The following PTPRD variants were observed in gnomAD, a reference collection of about 807,000 sequenced individuals.
PTPRD encodes the protein receptor-type tyrosine-protein phosphatase delta.
In PTPRD, 34 loss-of-function variants were observed where a neutral mutation model predicts 214.5. The observed-to-expected ratio is 0.16, with a 90% CI of 0.12 to 0.21. The LOEUF is 0.21. PTPRD is among the 10% of genes least tolerant of loss of function. PTPRD has a pLI of 1.00. For synonymous variants in PTPRD, 1,128 were observed against 845.7 expected (o/e 1.33, Z -5.79); for missense variants, 2,545 against 2,398.7 (o/e 1.06, Z -1.27).
At chr9:10,239,289 G>T (rs894930633) in intron 3 of PTPRD, among the ~76,000 whole-genome samples, 2 of 151,814 alleles carry the variant, frequency 1.3e-5, no homozygotes, top group African/African-American at 4.8e-5. Flanking sequence ...TGACTAAAAT[G>T]GTATAATAAA....
chr9:10,547,553 C>A (rs2060424644), intron 2 of PTPRD, among the ~76,000 whole-genome samples: 3 of 152,008 alleles, frequency 2.0e-5, no homozygotes, highest in Non-Finnish European at 4.4e-5. Context: ...TTCCCTGACA[C>A]CTACCTTACA....
At chr9:9,880,982 A>G (rs921820148) in intron 5 of PTPRD, among the ~76,000 whole-genome samples, 3 of 152,170 alleles carry the variant, frequency 2.0e-5, no homozygotes, top group African/African-American at 7.2e-5. Context: ...GTGTAGTCAA[A>G]AAGTATTTTG....
intron 44 of PTPRD, among the ~76,000 whole-genome samples, chr9:8,328,299 A>C (rs533496504): frequency 6.6e-6 from 1 of 152,220 alleles, no homozygotes; most frequent in South Asian, 2.1e-4. Flanking sequence ...CTGGATATGA[A>C]ATTCTGGGTT....
chr9:8,531,198 T>C (rs1305457616), intron 14 of PTPRD, among the ~76,000 whole-genome samples: 3 of 152,028 alleles, frequency 2.0e-5, no homozygotes, highest in African/African-American at 7.2e-5. Flanking sequence ...TAGTTAAAAA[T>C]TGAATTTCAA....
intron 36 of PTPRD, among the ~76,000 whole-genome samples, chr9:8,402,549 A>T (rs2092536867): frequency 6.6e-6 from 1 of 152,196 alleles, no homozygotes. Flanking sequence ...TGCCAAATAG[A>T]TTCTCAACTT....
intron 9 of PTPRD, among the ~76,000 whole-genome samples, chr9:9,248,488 T>C (rs1342577778): frequency 6.6e-6 from 1 of 152,096 alleles, no homozygotes; most frequent in African/African-American, 2.4e-5. Context: ...ATTTTTCTAA[T>C]GTTAGGGCAA....
chr9:10,096,544 G>T (rs1426829216), intron 3 of PTPRD, among the ~76,000 whole-genome samples: 1 of 151,896 alleles, frequency 6.6e-6, no homozygotes, highest in Non-Finnish European at 1.5e-5. Context: ...CTTCTTTTGA[G>T]AAGTGTCTGT....
chr9:10,087,762 G>A (rs780040028), intron 3 of PTPRD, among the ~76,000 whole-genome samples: 2 of 151,676 alleles, frequency 1.3e-5, no homozygotes, highest in Non-Finnish European at 3.0e-5. Context: ...ATTATGGGAA[G>A]CACTTGGCAC....
At chr9:10,555,352 C>G (rs1457018386) in intron 2 of PTPRD, among the ~76,000 whole-genome samples, 1 of 152,076 alleles carries the variant, frequency 6.6e-6, no homozygotes, top group African/African-American at 2.4e-5. Flanking sequence ...TTATCATATA[C>G]CTAAAAAATG....
At chr9:8,974,672 C>T (rs1339142061) in intron 11 of PTPRD, among the ~76,000 whole-genome samples, 2 of 151,998 alleles carry the variant, frequency 1.3e-5, no homozygotes, top group Admixed American at 6.6e-5. Flanking sequence ...TAAGCCTTTG[C>T]TTACTCTATG....
intron 5 of PTPRD, among the ~76,000 whole-genome samples, chr9:9,915,879 G>T (rs567089823): frequency 6.6e-6 from 1 of 152,156 alleles, no homozygotes; most frequent in East Asian, 1.9e-4. Context: ...AAGAACTTCA[G>T]ATTGATTCAG....
intron 3 of PTPRD, among the ~76,000 whole-genome samples, chr9:10,244,781 A>G (rs989071549): frequency 6.6e-6 from 1 of 152,116 alleles, no homozygotes; most frequent in Non-Finnish European, 1.5e-5. Flanking sequence ...TTAATGGAAC[A>G]GTGATTTTAG....
intron 3 of PTPRD, among the ~76,000 whole-genome samples, chr9:10,144,528 CT>C (rs1238180287): frequency 3.3e-5 from 5 of 152,072 alleles, no homozygotes; most frequent in Non-Finnish European, 5.9e-5. Flanking sequence ...CCTCAGTCCA[CT>C]TTGACAAAGC....
At chr9:8,609,116 G>C (rs929225762) in intron 14 of PTPRD, among the ~76,000 whole-genome samples, 1 of 152,188 alleles carries the variant, frequency 6.6e-6, no homozygotes, top group Non-Finnish European at 1.5e-5. Flanking sequence ...AGAATTTTAC[G>C]TTTGTCTCCT....
chr9:8,403,653 C>G (rs1453902353), intron 36 of PTPRD, among the ~76,000 whole-genome samples: 4 of 152,118 alleles, frequency 2.6e-5, no homozygotes, highest in Non-Finnish European at 5.9e-5. Context: ...GAGGAGCAAC[C>G]CTCATCTTTT....
chr9:8,712,677 C>A (rs929431839), intron 12 of PTPRD, among the ~76,000 whole-genome samples: 7 of 146,446 alleles, frequency 4.8e-5, no homozygotes, highest in African/African-American at 1.7e-4. Context: ...TCAGTCTTTT[C>A]ATGTTAATAA....
intron 11 of PTPRD, among the ~76,000 whole-genome samples, chr9:8,796,071 G>C (rs1271822201): frequency 1.3e-5 from 2 of 152,170 alleles, no homozygotes; most frequent in African/African-American, 4.8e-5. Context: ...AACGTATGAA[G>C]TTAAGCCTTT....
At position 10,287,202 on chromosome 9, in the gene PTPRD, G is replaced by C. The variant is rs546589269; in HGVS notation, c.-545+53761C>G. On this transcript the variant is annotated intron_variant, in intron 3 of 45. Transcript: ENST00000381196. ...TGGACCAAAGGTAAAAATTGACAAG[G>C]GTAGCGTCACAATTAGCATGTGGAG... Among the ~76,000 whole-genome samples the C allele has an allele frequency of 1.4e-4, 22 of 152,252 alleles. No homozygotes were observed. The East Asian group carries it at 4.1e-3, about 28-fold the overall frequency.
intron 14 of PTPRD, among the ~76,000 whole-genome samples, chr9:8,534,019 T>C (rs2076327708): frequency 6.6e-6 from 1 of 152,014 alleles, no homozygotes; most frequent in Non-Finnish European, 1.5e-5. Flanking sequence ...ATAAGGAGTA[T>C]TAGAATTAGA....
Sources: gnomAD v4.1 joint callset for allele counts (sites outside exome capture counted in the v4.1 genomes callset) on GRCh38, gnomAD v4.1.1 for gene constraint, MANE v1.5 for transcripts, NCBI Gene and HGNC (gene_info 2026-07-23, HGNC 2026-07-21) for gene names.